The following MED13 variants were observed in gnomAD, a reference collection of about 807,000 sequenced individuals.
MED13 encodes mediator of RNA polymerase II transcription subunit 13.
MED13 carries 23 observed loss-of-function variants against 225.2 expected under a neutral mutation model. The ratio of observed to expected loss-of-function variants is 0.10; its 90% CI spans 0.07 to 0.14. The LOEUF (loss-of-function observed/expected upper bound fraction) is 0.14. Among genes scored for constraint, MED13 ranks in the 10% least tolerant of loss-of-function variants. The pLI, the probability that MED13 is intolerant of heterozygous loss-of-function variation, is 1.00. For missense variants in MED13, 2,197 were observed against 2,594.5 expected (o/e 0.85, Z 3.33); for synonymous variants, 942 against 889.2 (o/e 1.06, Z -1.06).
At chr17:61,994,111 GT>G (rs1463733755) in intron 10 of MED13, among the ~76,000 whole-genome samples, 7 of 151,636 alleles carry the variant, frequency 4.6e-5, no homozygotes, top group Non-Finnish European at 8.8e-5. Flanking sequence ...CGATTCTCCT[GT>G]GTCAGCCTCC....
chr17:62,025,367 G>A (rs1382877410), intron 8 of MED13, among the ~76,000 whole-genome samples: 5 of 151,692 alleles, frequency 3.3e-5, no homozygotes, highest in South Asian at 2.1e-4. Context: ...TTTAAAAAAC[G>A]TAAAAATCAT....
intron 10 of MED13, 80 bp from the exon 11 acceptor site, chr17:61,992,701 G>T: frequency 1.1e-6 from 1 of 935,084 alleles, no homozygotes; most frequent in Non-Finnish European, 1.7e-6. Flanking sequence ...GGAGCTGTGT[G>T]TCAGGCATCC....
chr17:62,029,372 G>A, intron 8 of MED13, 169 bp downstream of exon 8: 1 of 586,952 alleles, frequency 1.7e-6, no homozygotes. Context: ...ATATTTACAT[G>A]TACTTCTATA....
intron 3 of MED13, among the ~76,000 whole-genome samples, chr17:62,046,323 C>T (rs1212250920): frequency 6.6e-6 from 1 of 152,148 alleles, no homozygotes; most frequent in Non-Finnish European, 1.5e-5. Flanking sequence ...ATTTGAGGAG[C>T]AGCATTTATC....
intron 8 of MED13, among the ~76,000 whole-genome samples, chr17:62,014,687 T>C (rs2143606534): frequency 6.6e-6 from 1 of 152,286 alleles, no homozygotes; most frequent in South Asian, 2.1e-4. Flanking sequence ...GAGACAAGTC[T>C]TGCTCTGTCT....
At position 61,946,284 on chromosome 17, in the gene MED13, TAG is replaced by T; in HGVS notation, c.*182_*183del. ...TCAGTCATCATCCTAAAGAGTTCAA[TAG>T]AGTCAATGAAAAATAGCAGGGTTAT... On this transcript the variant is annotated 3_prime_UTR_variant, in exon 30 of 30. Coordinates refer to ENST00000397786, the MANE Select transcript of MED13 (RefSeq NM_005121.3). The T allele has an allele frequency of 1.6e-6, 1 of 629,906 alleles. No individual in the cohort carries two copies. The highest frequency in any genetic ancestry group is 2.9e-5 in the East Asian group (1 of 34,844). The allele number at this position is 629,906 out of a possible 1,614,324, so 39.0% of individuals were successfully genotyped here.
chr17:61,964,229 T>C (rs2080033470), intron 20 of MED13, among the ~76,000 whole-genome samples: 1 of 152,210 alleles, frequency 6.6e-6, no homozygotes, highest in African/African-American at 2.4e-5. Flanking sequence ...ATTCTAGAAT[T>C]CTATGATACT....
intron 2 of MED13, 109 bp from the exon 3 acceptor site, chr17:62,052,814 C>A (rs1331523651): frequency 3.1e-6 from 2 of 655,388 alleles, no homozygotes; most frequent in African/African-American, 1.8e-5. Context: ...TAGCTTACCC[C>A]AGAATATTAA....
chr17:61,983,529 G>A (rs556081899), intron 15 of MED13, among the ~76,000 whole-genome samples: 1 of 152,250 alleles, frequency 6.6e-6, no homozygotes, highest in African/African-American at 2.4e-5. Context: ...CCACTTATAA[G>A]ACATCTCAGA....
chr17:62,043,514 TC>T (rs1423566875), intron 3 of MED13, among the ~76,000 whole-genome samples: 4 of 152,164 alleles, frequency 2.6e-5, no homozygotes. Context: ...CCTTTGAGAT[TC>T]TAAAGCATAC....
intron 11 of MED13, among the ~76,000 whole-genome samples, chr17:61,988,389 C>A (rs1490523507): frequency 1.3e-5 from 2 of 152,142 alleles, no homozygotes. Context: ...ACAAGAAAAA[C>A]AATTTGATAC....
intron 2 of MED13, among the ~76,000 whole-genome samples, chr17:62,053,706 A>G (rs1480024086): frequency 6.6e-6 from 1 of 152,202 alleles, no homozygotes; most frequent in Non-Finnish European, 1.5e-5. Flanking sequence ...TTCAATGTTT[A>G]AGTAAAAATA....
At chr17:62,016,431 G>A (rs2080582231) in intron 8 of MED13, among the ~76,000 whole-genome samples, 1 of 152,020 alleles carries the variant, frequency 6.6e-6, no homozygotes, top group Non-Finnish European at 1.5e-5. Flanking sequence ...ACTGCTAGAA[G>A]GTAAATTCTT....
At chr17:62,028,445 T>C (rs2143665812) in intron 8 of MED13, among the ~76,000 whole-genome samples, 1 of 152,244 alleles carries the variant, frequency 6.6e-6, no homozygotes, top group East Asian at 1.9e-4. Flanking sequence ...TACTGGGTAC[T>C]AGGCTTAGTA....
chr17:61,953,134 A>T (rs1236005385), intron 26 of MED13, 21 bp from the exon 27 acceptor site: 1 of 1,601,536 alleles, frequency 6.2e-7, no homozygotes, highest in Non-Finnish European at 8.5e-7. Flanking sequence ...GAAAGAAAAG[A>T]AATTTAAAAC....
At chr17:62,024,843 T>A (rs1324524276) in intron 8 of MED13, among the ~76,000 whole-genome samples, 1 of 152,208 alleles carries the variant, frequency 6.6e-6, no homozygotes, top group Admixed American at 6.5e-5. Flanking sequence ...GCTCCATTCA[T>A]GTTCCTGCAG....
chr17:62,038,015 TA>T (rs1183710690), intron 3 of MED13, among the ~76,000 whole-genome samples: 1 of 140,906 alleles, frequency 7.1e-6, no homozygotes, highest in African/African-American at 2.5e-5. Flanking sequence ...CTGAATTTTA[TA>T]ACCTTTTATC....
chr17:62,011,847 C>A (rs2080512512), intron 8 of MED13, among the ~76,000 whole-genome samples: 1 of 152,150 alleles, frequency 6.6e-6, no homozygotes, highest in South Asian at 2.1e-4. Flanking sequence ...AAAATAATTT[C>A]TTCCTCATAA....
chr17:61,997,926 T>G (rs569584109), intron 9 of MED13, among the ~76,000 whole-genome samples: 1 of 152,242 alleles, frequency 6.6e-6, no homozygotes, highest in South Asian at 2.1e-4. Context: ...AAATAAAAAA[T>G]GAGTAAACCA....
Sources: gnomAD v4.1 joint callset for allele counts (sites outside exome capture counted in the v4.1 genomes callset) on GRCh38, gnomAD v4.1.1 for gene constraint, MANE v1.5 for transcripts, NCBI Gene and HGNC (gene_info 2026-07-23, HGNC 2026-07-21) for gene names.